TTC27: variants seen among roughly 807,000 people sequenced by gnomAD.
The protein encoded by TTC27 is tetratricopeptide repeat protein 27.
In TTC27, 79 loss-of-function variants were observed where a neutral mutation model predicts 115.9. The observed-to-expected ratio is 0.68, with a 90% CI of 0.57 to 0.82. The LOEUF (loss-of-function observed/expected upper bound fraction) is 0.82, where lower values mean the gene tolerates loss of function less well. Among genes scored for constraint, TTC27 ranks in the 40% least tolerant of loss-of-function variants. The pLI is 0.00. For missense variants in TTC27, 1,054 were observed against 993.1 expected, an observed-to-expected ratio of 1.06 and a Z score of -0.82; for synonymous variants, 401 against 356.0, an observed-to-expected ratio of 1.13 and a Z score of -1.42.
chr2:32,812,515 C>A lies in TTC27; in HGVS notation c.2208C>A (p.Cys736Ter). ...KPDENEKAFQ[C>*]LSKAYKCDTQ... is the part of the protein sequence containing the mutation. Reference sequence around the variant, plus strand: ...TTCTCCTTCCTCAGGCATTCCAGTGCCTCTCAAAGGCATACAAGTGTGACA... The same window carrying A: ...TTCTCCTTCCTCAGGCATTCCAGTGACTCTCAAAGGCATACAAGTGTGACA... The change falls in exon 18 of 20, where the codon TGC becomes TGA. Residue 736 changes from cysteine to a stop codon, truncating the protein, a stop_gained. Transcript: ENST00000317907. LOFTEE classifies it high-confidence loss of function. 1 of 1,612,288 alleles carries A rather than the reference C, an allele frequency of 6.2e-7. No individual in the cohort carries two copies. The highest frequency in any genetic ancestry group is 8.5e-7 in the Non-Finnish European group (1 of 1,178,542).
chr2:32,648,421 C>T (rs1000957285), intron 4 of TTC27, among the ~76,000 whole-genome samples: 1 of 147,000 alleles, frequency 6.8e-6, no homozygotes, highest in Non-Finnish European at 1.5e-5. Flanking sequence ...TGAACCACTG[C>T]ACCTGGCACC....
Position 32,733,821 on chromosome 2 carries a change from C to G in TTC27, c.1234-7C>G. The G allele has an allele frequency of 6.3e-7, 1 of 1,597,394 alleles. No individual in the cohort carries two copies. The highest frequency in any genetic ancestry group is 8.6e-7 in the Non-Finnish European group (1 of 1,168,540). On this transcript the variant is annotated splice_region_variant and splice_polypyrimidine_tract_variant and intron_variant, in intron 10 of 19. Coordinates refer to ENST00000317907, the MANE Select transcript of TTC27 (RefSeq NM_017735.5). ...ATAGATTCTGATTGTGATATATGTC[C>G]TTTAAGGCTCTTGCAGACCAATTTG...
At chr2:32,698,760 G>C (rs754716467) in intron 9 of TTC27, among the ~76,000 whole-genome samples, 14 of 152,188 alleles carry the variant, frequency 9.2e-5, no homozygotes, top group Middle Eastern at 3.4e-3. Flanking sequence ...GATTACAGGC[G>C]TGAGCCACTG....
At chr2:32,707,487 T>C (rs372174991) in intron 10 of TTC27, among the ~76,000 whole-genome samples, 2 of 152,170 alleles carry the variant, frequency 1.3e-5, no homozygotes, top group East Asian at 1.9e-4. Context: ...ATTCAAACTA[T>C]AGCACTGTTG....
chr2:32,709,354 A>G lies in TTC27; in HGVS notation c.1233+6434A>G, dbSNP rs116753377. 9.3e-3 allele frequency among the ~76,000 whole-genome samples: 1,421 copies of G among 152,246 alleles called. 11 individuals are homozygous for G. The highest frequency in any genetic ancestry group is 0.021 in the Middle Eastern group (6 of 292). ...TAACCTTGTGATTATGGTTAATATC[A>G]CTGGTGATAAAACTGTTGATACAGG... On this transcript the variant is annotated intron_variant, in intron 10 of 19. Transcript: ENST00000317907.
chr2:32,668,921 T>C (rs1445229261), intron 7 of TTC27, among the ~76,000 whole-genome samples: 1 of 151,754 alleles, frequency 6.6e-6, no homozygotes, highest in African/African-American at 2.4e-5. Flanking sequence ...CTACTAAAAA[T>C]ACAAAGAATT....
chr2:32,682,270 G>A (rs1215037738), intron 9 of TTC27, among the ~76,000 whole-genome samples: 1 of 152,088 alleles, frequency 6.6e-6, no homozygotes, highest in African/African-American at 2.4e-5. Flanking sequence ...ATGATACTAG[G>A]AATAACCATC....
At chr2:32,723,974 T>TTTTTTTTTTTTTTTTTTTTTTTTTC (rs1668028240) in intron 10 of TTC27, among the ~76,000 whole-genome samples, 1 of 145,314 alleles carries the variant, frequency 6.9e-6, no homozygotes, top group South Asian at 2.3e-4. Flanking sequence ...ACATAAGCTT[T>TTTTTTTTTTTTTTTTTTTTTTTTTC]TTTTTTTTTT....
intron 10 of TTC27, among the ~76,000 whole-genome samples, chr2:32,715,034 T>C (rs1228526896): frequency 6.6e-6 from 1 of 152,204 alleles, no homozygotes; most frequent in Non-Finnish European, 1.5e-5. Flanking sequence ...GTTGTCTCTT[T>C]ACTCTGTTGA....
chr2:32,678,867 A>C lies in TTC27; in HGVS notation c.1064A>C (p.Gln355Pro), dbSNP rs765071951. The change falls in exon 9 of 20, where the codon CAA (glutamine) becomes CCA (proline). Residue 355 changes from glutamine (Q) to proline (P), a missense_variant. Physicochemically the swap from Gln to Pro is moderately conservative, Grantham distance 76. Coordinates refer to ENST00000317907, the MANE Select transcript of TTC27 (RefSeq NM_017735.5). ...AIILGICTNF[Q>P]KNNPVHTLTE... ...TTCTTAATTTAAAGCACTAATTTTC[A>C]AAAGAATAACCCAGTGCACACATTA... 24 of 1,610,124 alleles carry C rather than the reference A, an allele frequency of 1.5e-5. No individual in the cohort carries two copies. The highest frequency in any genetic ancestry group is 1.7e-5 in the Non-Finnish European group (20 of 1,178,074).
chr2:32,801,348 G>T (rs1053984842), intron 16 of TTC27, among the ~76,000 whole-genome samples: 1 of 152,188 alleles, frequency 6.6e-6, no homozygotes, highest in Non-Finnish European at 1.5e-5. Context: ...TGCTAGGGAA[G>T]AGTCTTTCTG....
In TTC27 at chr2:32,771,173, T is replaced by C. The variant is rs375160161; in HGVS notation, c.1681-6709T>C. On this transcript the variant is annotated intron_variant, in intron 13 of 19. Coordinates refer to ENST00000317907, the MANE Select transcript of TTC27 (RefSeq NM_017735.5). ...AAATCTCTTCATCTTTCTGAGCTTTTAAATAATGGAGTTTATAATCTCTAC... is the reference window on the plus strand; with the variant it reads ...AAATCTCTTCATCTTTCTGAGCTTTCAAATAATGGAGTTTATAATCTCTAC... 2.6e-5 allele frequency among the ~76,000 whole-genome samples: 4 copies of C among 152,200 alleles called. No individual in the cohort carries two copies. In the South Asian group the frequency reaches 8.3e-4, roughly 32 times the overall value.
chr2:32,684,269 G>A (rs1053748222), intron 9 of TTC27, among the ~76,000 whole-genome samples: 3 of 152,006 alleles, frequency 2.0e-5, no homozygotes, highest in African/African-American at 7.2e-5. Context: ...ATTTTTTATG[G>A]CTGCATAGTA....
intron 13 of TTC27, among the ~76,000 whole-genome samples, chr2:32,766,982 CATT>C (rs1425681048): frequency 6.6e-6 from 1 of 152,060 alleles, no homozygotes; most frequent in Admixed American, 6.6e-5. Flanking sequence ...GACAAAGTTT[CATT>C]ATGTTACTCA....
chr2:32,666,806 C>G, intron 7 of TTC27, 38 bp downstream of exon 7: 1 of 1,601,758 alleles, frequency 6.2e-7, no homozygotes, highest in Non-Finnish European at 8.5e-7. Context: ...CAATTAACAC[C>G]TGAGTCTAAG....
chr2:32,747,331 A>G (rs1668864881), intron 12 of TTC27, among the ~76,000 whole-genome samples: 1 of 152,224 alleles, frequency 6.6e-6, no homozygotes, highest in Admixed American at 6.5e-5. Flanking sequence ...AGTTGAAAAT[A>G]ATTGTAAATC....
chr2:32,767,443 G>GTT (rs150586627), intron 13 of TTC27, among the ~76,000 whole-genome samples: 21,608 of 111,524 alleles, frequency 0.19, 2,113 homozygotes, highest in East Asian at 0.4. Flanking sequence ...ATATTTATAA[G>GTT]TTTTTTTTTG....
chr2:32,738,683 G>A (rs1462550792), intron 12 of TTC27, among the ~76,000 whole-genome samples: 1 of 152,186 alleles, frequency 6.6e-6, no homozygotes, highest in Non-Finnish European at 1.5e-5. Flanking sequence ...GAAACAAAAA[G>A]TTATTGAATA....
chr2:32,687,841 A>G (rs1046395652), intron 9 of TTC27, among the ~76,000 whole-genome samples: 1 of 152,208 alleles, frequency 6.6e-6, no homozygotes, highest in African/African-American at 2.4e-5. Context: ...AAAACAGACA[A>G]TGTCACAATC....
Sources: gnomAD v4.1 joint callset for allele counts (sites outside exome capture counted in the v4.1 genomes callset) on GRCh38, gnomAD v4.1.1 for gene constraint, MANE v1.5 for transcripts, NCBI Gene and HGNC (gene_info 2026-07-23, HGNC 2026-07-21) for gene names.